OR6N1: variants seen among roughly 807,000 people sequenced by gnomAD.
The protein encoded by OR6N1 is olfactory receptor family 6 subfamily N member 1, also known as olfactory receptor 6N1.
For synonymous variants in OR6N1, 170 were observed against 150.7 expected, an observed-to-expected ratio of 1.13 and a Z score of -0.94; for missense variants, 394 against 371.7, an observed-to-expected ratio of 1.06 and a Z score of -0.49.
the OR6N1 span, among the ~76,000 whole-genome samples, chr1:158,817,723 A>C: frequency 9.2e-5 from 14 of 152,290 alleles, no homozygotes; most frequent in South Asian, 1.9e-3. Context: ...TCTGAAAAGG[A>C]AAATACAGTC....
At chr1:158,771,532 G>A (rs1657423468) in intron 1 of OR6N1, among the ~76,000 whole-genome samples, 1 of 152,060 alleles carries the variant, frequency 6.6e-6, no homozygotes, top group Non-Finnish European at 1.5e-5. Flanking sequence ...ATCTTACTTA[G>A]GTCCATTGAA....
At chr1:158,802,109 C>T in the OR6N1 span, among the ~76,000 whole-genome samples, 11 of 151,570 alleles carry the variant, frequency 7.3e-5, no homozygotes, top group Non-Finnish European at 1.5e-4. Context: ...TTTCAAATGG[C>T]TTTTCTGCAA....
the OR6N1 span, among the ~76,000 whole-genome samples, chr1:158,807,689 C>G: frequency 6.6e-6 from 1 of 152,242 alleles, no homozygotes; most frequent in Non-Finnish European, 1.5e-5. Context: ...TCCTTTTTGC[C>G]AACCTAGTTT....
the OR6N1 span, among the ~76,000 whole-genome samples, chr1:158,838,994 G>T: frequency 1.3e-5 from 2 of 151,830 alleles, no homozygotes; most frequent in African/African-American, 4.8e-5. Flanking sequence ...TTATTTAGTT[G>T]TCTCTACCTA....
chr1:158,839,607 T>C, the OR6N1 span, among the ~76,000 whole-genome samples: 1 of 152,186 alleles, frequency 6.6e-6, no homozygotes, highest in Non-Finnish European at 1.5e-5. Context: ...GCTATAATGT[T>C]GCAAAGCAGT....
chr1:158,839,130 T>G, the OR6N1 span, among the ~76,000 whole-genome samples: 3 of 152,122 alleles, frequency 2.0e-5, no homozygotes, highest in African/African-American at 7.2e-5. Context: ...TTGACCATGT[T>G]TACCTGTTTC....
the OR6N1 span, among the ~76,000 whole-genome samples, chr1:158,810,683 A>G: frequency 6.6e-6 from 1 of 152,212 alleles, no homozygotes; most frequent in African/African-American, 2.4e-5. Context: ...ATCCTTGTGT[A>G]TACATGGAGA....
At chr1:158,839,622 C>T in the OR6N1 span, among the ~76,000 whole-genome samples, 6 of 152,170 alleles carry the variant, frequency 3.9e-5, no homozygotes, top group East Asian at 1.9e-4. Flanking sequence ...AGCAGTTCCA[C>T]ACTTTTCCTT....
intron 1 of OR6N1, among the ~76,000 whole-genome samples, chr1:158,770,408 C>A (rs867344528): frequency 1.8e-4 from 28 of 152,144 alleles, no homozygotes; most frequent in African/African-American, 6.8e-4. Flanking sequence ...GAGGTTTGGA[C>A]CATTTCCTTC....
intron 1 of OR6N1, among the ~76,000 whole-genome samples, chr1:158,768,080 A>G (rs1006395941): frequency 6.6e-6 from 1 of 151,550 alleles, no homozygotes; most frequent in Admixed American, 6.6e-5. Flanking sequence ...ATTCCTTCTC[A>G]TTCTCCAACT....
the OR6N1 span, among the ~76,000 whole-genome samples, chr1:158,782,788 G>A: frequency 0.071 from 10,720 of 149,934 alleles, 475 homozygotes; most frequent in African/African-American, 0.13. Flanking sequence ...AGTGTTATAC[G>A]TAATTAGGAT....
At chr1:158,798,701 AC>A in the OR6N1 span, among the ~76,000 whole-genome samples, 1 of 151,970 alleles carries the variant, frequency 6.6e-6, no homozygotes, top group Non-Finnish European at 1.5e-5. Flanking sequence ...CAGTAGGTGG[AC>A]CTTGTTAATT....
the OR6N1 span, among the ~76,000 whole-genome samples, chr1:158,795,329 A>C: frequency 6.6e-6 from 1 of 152,264 alleles, no homozygotes; most frequent in East Asian, 1.9e-4. Context: ...TTCCCAAGGG[A>C]GACAGAAATC....
the OR6N1 span, among the ~76,000 whole-genome samples, chr1:158,835,914 G>C: frequency 6.6e-6 from 1 of 151,190 alleles, no homozygotes; most frequent in African/African-American, 2.4e-5. Flanking sequence ...TTTCATTCTG[G>C]TAATGTGGTG....
At chr1:158,824,988 GT>G in the OR6N1 span, among the ~76,000 whole-genome samples, 1 of 152,120 alleles carries the variant, frequency 6.6e-6, no homozygotes, top group African/African-American at 2.4e-5. Context: ...AAAGTAAAGA[GT>G]TTCTGCACAG....
chr1:158,801,164 G>GGTGTGTGT, the OR6N1 span, among the ~76,000 whole-genome samples: 3 of 148,700 alleles, frequency 2.0e-5, no homozygotes, highest in African/African-American at 4.9e-5. Flanking sequence ...TGCACATACT[G>GGTGTGTGT]GTGTGTGTGT....
chr1:158,829,630 C>A, the OR6N1 span, among the ~76,000 whole-genome samples: 5 of 152,290 alleles, frequency 3.3e-5, no homozygotes, highest in Middle Eastern at 3.4e-3. Context: ...TTCTTCTGAG[C>A]CTTCCAAACT....
chr1:158,777,618 A>G, the OR6N1 span: 1 of 1,612,764 alleles, frequency 6.2e-7, no homozygotes, highest in Admixed American at 1.7e-5. Flanking sequence ...CCAGGCTTGA[A>G]TGGTTGTATT....
At chr1:158,791,085 T>C in the OR6N1 span, among the ~76,000 whole-genome samples, 1 of 152,256 alleles carries the variant, frequency 6.6e-6, no homozygotes, top group Non-Finnish European at 1.5e-5. Flanking sequence ...CTTATGTATG[T>C]TGAATCCTCC....
Sources: gnomAD v4.1 joint callset for allele counts (sites outside exome capture counted in the v4.1 genomes callset) on GRCh38, gnomAD v4.1.1 for gene constraint, MANE v1.5 for transcripts, NCBI Gene and HGNC (gene_info 2026-07-23, HGNC 2026-07-21) for gene names.